ANKRD28: variants seen among roughly 807,000 people sequenced by gnomAD.
ANKRD28 encodes ankyrin repeat domain 28, also known as serine/threonine-protein phosphatase 6 regulatory ankyrin repeat subunit A.
In ANKRD28, 44 loss-of-function variants were observed where a neutral mutation model predicts 126.5. The observed-to-expected ratio is 0.35, with a 90% CI of 0.27 to 0.45. The LOEUF (loss-of-function observed/expected upper bound fraction) is 0.45, where lower values mean the gene tolerates loss of function less well. Ranked by LOEUF, ANKRD28 falls within the 20% of genes least tolerant of loss-of-function variation. ANKRD28 has a pLI of 1.00. For synonymous variants in ANKRD28, 442 were observed against 468.5 expected (o/e 0.94, Z 0.73); for missense variants, 1,110 against 1,316.6 (o/e 0.84, Z 2.43).
At chr3:15,707,691 C>T (rs1200760388) in intron 14 of ANKRD28, among the ~76,000 whole-genome samples, 1 of 152,156 alleles carries the variant, frequency 6.6e-6, no homozygotes, top group Non-Finnish European at 1.5e-5. Flanking sequence ...CAAGAAGGGA[C>T]CTTTATCTTT....
chr3:15,817,912 A>G lies in ANKRD28; in HGVS notation c.28-22606T>C, dbSNP rs1011305779. Among the ~76,000 whole-genome samples the G allele has an allele frequency of 6.6e-6, 1 of 152,216 alleles. No individual in the cohort carries two copies. Among genetic ancestry groups the G allele is most frequent in the African/African-American group, 2.4e-5 (1 of 41,436 alleles). On this transcript the variant is annotated intron_variant, in intron 1 of 27. Coordinates refer to the ANKRD28 transcript ENST00000399451. This position sits in a 1 kb window ranked among gnomAD's most constrained non-coding sequence, Gnocchi z 4.5. ...ATCTATTAAAAAATGCCTAGAATTA[A>G]TAAGTTTAGCAAAGTCATAGATTAC...
chr3:15,811,622 T>C (rs1226527162), intron 1 of ANKRD28, among the ~76,000 whole-genome samples: 1 of 151,942 alleles, frequency 6.6e-6, no homozygotes, highest in Non-Finnish European at 1.5e-5. Context: ...GCCCAGCTAA[T>C]TTTTGTATTT....
At chr3:15,747,106 A>T (rs182017794) in intron 4 of ANKRD28, among the ~76,000 whole-genome samples, 2 of 148,778 alleles carry the variant, frequency 1.3e-5, no homozygotes, top group Non-Finnish European at 3.0e-5. Flanking sequence ...AATCTTGCTA[A>T]TGGTCTATCA....
chr3:15,738,011 G>T (rs183812786), intron 4 of ANKRD28, among the ~76,000 whole-genome samples: 5 of 151,806 alleles, frequency 3.3e-5, no homozygotes, highest in African/African-American at 1.2e-4. Flanking sequence ...TCCCAGAAGC[G>T]CATGGAAAAC....
chr3:15,797,685 CTTT>C lies in ANKRD28; in HGVS notation c.-1167_-1165del, dbSNP rs1241121606. 2.0e-6 allele frequency: 2 copies of C among 985,272 alleles called. No homozygotes were observed. The highest frequency in any genetic ancestry group is 4.7e-5 in the South Asian group (1 of 21,292). The allele number at this position is 985,272 out of a possible 1,614,324, so 61.0% of individuals were successfully genotyped here. Reference sequence around the variant, plus strand: ...AAAAAAATAGCAGACTGTGCATCTTCTTTGAGCCAACTACTTTATTCAGTCATC... The same window carrying C: ...AAAAAAATAGCAGACTGTGCATCTTCGAGCCAACTACTTTATTCAGTCATC... On this transcript the variant is annotated 5_prime_UTR_variant, in exon 1 of 28. Transcript: ENST00000683139.
intron 2 of ANKRD28, among the ~76,000 whole-genome samples, chr3:15,790,968 A>G (rs529674745): frequency 6.6e-6 from 1 of 152,312 alleles, no homozygotes; most frequent in East Asian, 1.9e-4. Flanking sequence ...AAACATCACT[A>G]GCATTTCTAT....
At chr3:15,792,576 G>A (rs1165487821) in intron 2 of ANKRD28, among the ~76,000 whole-genome samples, 3 of 152,096 alleles carry the variant, frequency 2.0e-5, no homozygotes, top group African/African-American at 7.2e-5. Context: ...AAGGGTAATG[G>A]GGGGTTGAGT....
At chr3:15,832,916 T>C (rs909162809) in intron 1 of ANKRD28, among the ~76,000 whole-genome samples, 3 of 151,848 alleles carry the variant, frequency 2.0e-5, no homozygotes, top group African/African-American at 7.3e-5. Context: ...CTTTTTGACA[T>C]GATTTCTTTC....
At chr3:15,707,689 G>C (rs1182432276) in intron 14 of ANKRD28, among the ~76,000 whole-genome samples, 2 of 152,162 alleles carry the variant, frequency 1.3e-5, no homozygotes, top group African/African-American at 4.8e-5. Flanking sequence ...GACAAGAAGG[G>C]ACCTTTATCT....
In ANKRD28 at chr3:15,696,174, T is replaced by G; in HGVS notation, c.1619A>C (p.His540Pro). 6.3e-7 allele frequency: 1 copy of G among 1,593,692 alleles called. No individual in the cohort carries two copies. The highest frequency in any genetic ancestry group is 8.6e-7 in the Non-Finnish European group (1 of 1,168,376). Residue 540 changes from histidine (H) to proline (P), a missense_variant, in exon 15 of 28, where the codon CAT becomes CCT. Transcript: ENST00000683139. The stretch of plus-strand genomic sequence containing the variant: ...ACGGTGACCATAAGCAGCTGAATAA[T>G]GAACTGCGTTGTATCCTTGCTTATC... ...IRDKQGYNAV[H>P]YSAAYGHRLC...
chr3:15,681,657 A>G (rs1480848532), intron 21 of ANKRD28, among the ~76,000 whole-genome samples: 1 of 152,160 alleles, frequency 6.6e-6, no homozygotes, highest in Non-Finnish European at 1.5e-5. Flanking sequence ...ACTTTACCCT[A>G]TAATTGTGGA....
At chr3:15,678,448 G>T (rs768339814) in intron 23 of ANKRD28, 94 bp from the exon 24 acceptor site, 7 of 1,221,914 alleles carry the variant, frequency 5.7e-6, no homozygotes, top group Non-Finnish European at 7.8e-6. Context: ...GTTTTTAAGG[G>T]TTTACATATT....
chr3:15,797,143 TC>T lies in ANKRD28; in HGVS notation c.-623del. ...AAAAAGATCTAGAGCTCAGCACAAA[TC>T]CTGAAAATGAAGCTCAGAGGTTAAC... On this transcript the variant is annotated 5_prime_UTR_variant, in exon 1 of 28. Coordinates refer to ENST00000683139, the MANE Select transcript of ANKRD28 (RefSeq NM_001349278.2). The T allele has an allele frequency of 7.2e-6, 7 of 977,332 alleles. No individual in the cohort carries two copies. The highest frequency in any genetic ancestry group is 8.4e-6 in the Non-Finnish European group (7 of 828,444). The allele number at this position is 977,332 out of a possible 1,614,324, so 60.5% of individuals were successfully genotyped here.
intron 27 of ANKRD28, among the ~76,000 whole-genome samples, chr3:15,671,084 T>C (rs1366218605): frequency 6.6e-6 from 1 of 152,264 alleles, no homozygotes; most frequent in African/African-American, 2.4e-5. Context: ...GAATGACACT[T>C]AGTTGTCAAT....
At chr3:15,700,522 TC>T (rs1306200127) in intron 14 of ANKRD28, among the ~76,000 whole-genome samples, 2 of 151,430 alleles carry the variant, frequency 1.3e-5, no homozygotes, top group Non-Finnish European at 2.9e-5. Flanking sequence ...ATGCCTGTAA[TC>T]CCAGCACTTT....
intron 18 of ANKRD28, among the ~76,000 whole-genome samples, chr3:15,687,332 GATAT>G (rs113439164): frequency 2.1e-3 from 321 of 150,188 alleles, no homozygotes; most frequent in Admixed American, 5.6e-3. Context: ...AATTTCAAAT[GATAT>G]ATATATATAT....
At chr3:15,785,425 A>G (rs2059729531) in intron 2 of ANKRD28, among the ~76,000 whole-genome samples, 1 of 152,144 alleles carries the variant, frequency 6.6e-6, no homozygotes, top group African/African-American at 2.4e-5. Flanking sequence ...ACATTTCACC[A>G]AAGAAGATAT....
intron 7 of ANKRD28, among the ~76,000 whole-genome samples, chr3:15,723,217 C>T (rs540035637): frequency 5.2e-4 from 79 of 152,308 alleles, no homozygotes; most frequent in African/African-American, 1.9e-3. Context: ...TTGTGATCCT[C>T]ACACTTTCAG....
intron 1 of ANKRD28, among the ~76,000 whole-genome samples, chr3:15,828,218 T>C (rs369104923): frequency 9.2e-5 from 14 of 152,242 alleles, no homozygotes; most frequent in African/African-American, 3.4e-4. Context: ...TGACAAAGAA[T>C]TGCAGGGAAT....
Sources: gnomAD v4.1 joint callset for allele counts (sites outside exome capture counted in the v4.1 genomes callset) on GRCh38, gnomAD v4.1.1 for gene constraint, Gnocchi (gnomAD v3.1) non-coding constraint, MANE v1.5 for transcripts, NCBI Gene and HGNC (gene_info 2026-07-23, HGNC 2026-07-21) for gene names.